Variants in KLF15 observed in about 807,000 individuals in gnomAD.
KLF15 encodes KLF transcription factor 15.
Under a neutral mutation model 24.6 loss-of-function variants are expected in KLF15, and 4 were observed. The observed-to-expected ratio is 0.16, with a 90% confidence interval of 0.08 to 0.37. The LOEUF (loss-of-function observed/expected upper bound fraction) is 0.37, where lower values mean the gene tolerates loss of function less well. KLF15 is among the 10% of genes least tolerant of loss of function. The probability of loss-of-function intolerance (pLI) is 1.00; values close to 1 mark genes in which losing one functional copy is unlikely to be tolerated. For synonymous variants in KLF15, 246 were observed against 236.3 expected (o/e 1.04, Z -0.37); for missense variants, 496 against 560.6 (o/e 0.88, Z 1.16).
chr3:126,348,072 G>A (rs1199415176), intron 2 of KLF15, among the ~76,000 whole-genome samples: 1 of 152,206 alleles, frequency 6.6e-6, no homozygotes, highest in Non-Finnish European at 1.5e-5. Context: ...TGCAGATGGA[G>A]GTGGAGGTTC....
At chr3:126,334,327 G>A in the KLF15 span, among the ~76,000 whole-genome samples, 5 of 143,308 alleles carry the variant, frequency 3.5e-5, no homozygotes, top group African/African-American at 1.0e-4. Context: ...TGACTACTGG[G>A]TACATAACGA....
the KLF15 span, among the ~76,000 whole-genome samples, chr3:126,301,313 C>T: frequency 6.6e-6 from 1 of 152,178 alleles, no homozygotes; most frequent in Non-Finnish European, 1.5e-5. Flanking sequence ...TCCAGGAATT[C>T]CAGACCTTGT....
At chr3:126,351,735 C>CACAAAAA in intron 2 of KLF15, 106 bp downstream of exon 2, 5 of 1,098,604 alleles carry the variant, frequency 4.6e-6, no homozygotes, top group East Asian at 3.0e-5. Context: ...CCTCCCCTCC[C>CACAAAAA]TCATCTACCT....
Position 126,352,248 on chromosome 3 carries a change from G to C in KLF15, c.675C>G (p.Pro225=), listed in dbSNP as rs773822648. ...GPIPVLLQIQ[P]VPVKQESGTG... ...TGCCCGATTCCTGCTTCACAGGCAC[G>C]GGCTGGATCTGCAGCAACACTGGGA... Residue 225 remains proline, a synonymous_variant, in exon 2 of 3, where the codon CCC becomes CCG. Coordinates refer to ENST00000296233, the MANE Select transcript of KLF15 (RefSeq NM_014079.4). 5 of 1,534,884 alleles carry C rather than the reference G, an allele frequency of 3.3e-6. No individual in the cohort carries two copies. Among genetic ancestry groups the C allele is most frequent in the Non-Finnish European group, 3.5e-6 (4 of 1,143,720 alleles).
the KLF15 span, among the ~76,000 whole-genome samples, chr3:126,320,596 C>T: frequency 1.3e-5 from 2 of 152,222 alleles, no homozygotes; most frequent in South Asian, 2.1e-4. Flanking sequence ...GATGCACACA[C>T]GAGCACACTG....
At chr3:126,330,454 T>A in the KLF15 span, among the ~76,000 whole-genome samples, 1 of 152,224 alleles carries the variant, frequency 6.6e-6, no homozygotes, top group Non-Finnish European at 1.5e-5. Flanking sequence ...TTTCAATTGA[T>A]CATTTTCGGC....
chr3:126,307,805 C>T, the KLF15 span, among the ~76,000 whole-genome samples: 1 of 152,212 alleles, frequency 6.6e-6, no homozygotes, highest in Non-Finnish European at 1.5e-5. Context: ...CCCAGCTGGC[C>T]AGAGCCCCCA....
the KLF15 span, among the ~76,000 whole-genome samples, chr3:126,328,954 G>C: frequency 6.6e-6 from 1 of 152,030 alleles, no homozygotes. Context: ...AGATATATTC[G>C]GATTGTTGAC....
At position 126,351,888 on chromosome 3, in the gene KLF15, G is replaced by A. The variant is rs142323383; in HGVS notation, c.1035C>T (p.His345=). Residue 345 remains histidine, a synonymous_variant, in exon 2 of 3, where the codon CAC becomes CAT. Coordinates refer to ENST00000296233, the MANE Select transcript of KLF15 (RefSeq NM_014079.4). The part of the protein sequence containing the change: ...SSHLKAHLRR[H]TGEKPFACTW... ...TGCAGGCGAAGGGCTTCTCACCCGT[G>A]TGCCGGCGCAGGTGGGCCTTGAGGT... The A allele has an allele frequency of 6.2e-7, 1 of 1,614,138 alleles. No homozygotes were observed. Among genetic ancestry groups the A allele is most frequent in the South Asian group, 1.1e-5 (1 of 91,082 alleles).
the KLF15 span, among the ~76,000 whole-genome samples, chr3:126,300,221 G>A: frequency 9.9e-5 from 15 of 152,276 alleles, no homozygotes; most frequent in African/African-American, 2.9e-4. Context: ...AGTAATTGCT[G>A]TGGTGGGCAG....
chr3:126,345,566 C>T (rs1160723677), intron 2 of KLF15, among the ~76,000 whole-genome samples: 1 of 151,552 alleles, frequency 6.6e-6, no homozygotes, highest in Admixed American at 6.6e-5. Context: ...CACACACACA[C>T]ACACAGGCAC....
chr3:126,352,605 C>A lies in KLF15; in HGVS notation c.318G>T (p.Gly106=). Residue 106 remains glycine (G), a synonymous_variant, in exon 2 of 3, where the codon GGG becomes GGT. Coordinates refer to ENST00000296233, the MANE Select transcript of KLF15 (RefSeq NM_014079.4). ...IGASSGPVAW[G]PWRRAAAPVK... ...CAGGGGCCGCTGCCCTTCGCCAGGG[C>A]CCCCAGGCCACGGGGCCACTGCTGG... 4 of 1,610,196 alleles carry A rather than the reference C, an allele frequency of 2.5e-6. No homozygotes were observed. The highest frequency in any genetic ancestry group is 1.1e-5 in the South Asian group (1 of 90,744).
At chr3:126,337,667 A>G (rs1484435913), downstream of KLF15, among the ~76,000 whole-genome samples, 1 of 152,218 alleles carries the variant, frequency 6.6e-6, no homozygotes, top group Admixed American at 6.5e-5. Context: ...TATTAAGGAT[A>G]TACTCAAGTA....
intron 2 of KLF15, among the ~76,000 whole-genome samples, chr3:126,344,306 T>C (rs991227050): frequency 1.3e-5 from 2 of 151,936 alleles, no homozygotes; most frequent in African/African-American, 2.4e-5. Context: ...GCGATCAGGC[T>C]ACTTCAGCTT....
At chr3:126,332,326 T>G in the KLF15 span, among the ~76,000 whole-genome samples, 37 of 147,158 alleles carry the variant, frequency 2.5e-4, no homozygotes, top group African/African-American at 8.0e-4. Context: ...CACCTCACAC[T>G]GCAGGGTATT....
At chr3:126,299,159 T>C in the KLF15 span, among the ~76,000 whole-genome samples, 3 of 152,178 alleles carry the variant, frequency 2.0e-5, no homozygotes, top group Non-Finnish European at 1.5e-5. Flanking sequence ...TGTTTTGTAG[T>C]TTTCCTTGTA....
intron 2 of KLF15, among the ~76,000 whole-genome samples, chr3:126,349,611 G>C (rs2082566188): frequency 6.6e-6 from 1 of 152,176 alleles, no homozygotes; most frequent in South Asian, 2.1e-4. Flanking sequence ...CAGCTCTCTG[G>C]CCCTAAGATA....
At chr3:126,330,942 C>T in the KLF15 span, among the ~76,000 whole-genome samples, 3 of 152,296 alleles carry the variant, frequency 2.0e-5, no homozygotes, top group East Asian at 3.9e-4. Flanking sequence ...TCCAGAATCC[C>T]TCTCATAAGG....
chr3:126,321,581 C>T, the KLF15 span, among the ~76,000 whole-genome samples: 1 of 152,274 alleles, frequency 6.6e-6, no homozygotes. Context: ...TTCACTGCCC[C>T]ATGCCCCTCA....
Sources: gnomAD v4.1 joint callset for allele counts (sites outside exome capture counted in the v4.1 genomes callset) on GRCh38, gnomAD v4.1.1 for gene constraint, MANE v1.5 for transcripts, NCBI Gene and HGNC (gene_info 2026-07-23, HGNC 2026-07-21) for gene names.